Variants in CLSTN2 observed in about 807,000 individuals in gnomAD.
CLSTN2 encodes calsyntenin-2.
In CLSTN2, 48 loss-of-function variants were observed where a neutral mutation model predicts 101.2. That is an observed-to-expected ratio of 0.47 (90% confidence interval 0.38 to 0.60). CLSTN2 has a LOEUF of 0.60. CLSTN2 is among the 20% of genes least tolerant of loss of function. CLSTN2 has a pLI of 0.00. For missense variants in CLSTN2, 1,160 were observed against 1,238.2 expected (o/e 0.94, Z 0.95); for synonymous variants, 481 against 463.6 (o/e 1.04, Z -0.48).
At chr3:140,108,890 G>A (rs549563243) in intron 1 of CLSTN2, among the ~76,000 whole-genome samples, 3 of 152,184 alleles carry the variant, frequency 2.0e-5, no homozygotes, top group African/African-American at 7.2e-5. Flanking sequence ...CTAGGTACCC[G>A]GCACTGGGAG....
chr3:140,159,964 TCATGGA>T (rs1287129871), intron 1 of CLSTN2, among the ~76,000 whole-genome samples: 1 of 152,018 alleles, frequency 6.6e-6, no homozygotes, highest in African/African-American at 2.4e-5. Flanking sequence ...CATTGGGTAC[TCATGGA>T]CATAAAGACA....
intron 2 of CLSTN2, among the ~76,000 whole-genome samples, chr3:140,375,905 GC>G (rs1489791768): frequency 2.0e-5 from 3 of 152,220 alleles, no homozygotes; most frequent in Non-Finnish European, 4.4e-5. Context: ...CATCTTGGAT[GC>G]CCAGAAACAG....
intron 2 of CLSTN2, among the ~76,000 whole-genome samples, chr3:140,296,698 A>G (rs1576504005): frequency 1.3e-5 from 2 of 152,334 alleles, no homozygotes; most frequent in Admixed American, 6.5e-5. Context: ...AGTTTTCTCT[A>G]TAGAGGTTTT....
At chr3:140,287,288 C>T (rs774109581) in intron 2 of CLSTN2, among the ~76,000 whole-genome samples, 1 of 152,106 alleles carries the variant, frequency 6.6e-6, no homozygotes, top group Non-Finnish European at 1.5e-5. Flanking sequence ...AAGTGCACAT[C>T]GCATATGATT....
intron 1 of CLSTN2, among the ~76,000 whole-genome samples, chr3:140,107,259 G>T (rs1248144271): frequency 6.6e-6 from 1 of 151,958 alleles, no homozygotes; most frequent in African/African-American, 2.4e-5. Flanking sequence ...TGTCCTTTGC[G>T]GTCTTTAATC....
intron 2 of CLSTN2, among the ~76,000 whole-genome samples, chr3:140,341,793 C>T (rs189109199): frequency 3.5e-4 from 54 of 152,276 alleles, no homozygotes; most frequent in Admixed American, 1.4e-3. Context: ...ATGTCCTGGC[C>T]ACATGCAGCA....
rs560834796 is a variant in CLSTN2, at chr3:140,241,088, C to T, written c.232+65015C>T. ...CGTGACTTGTAGTTATGGTTCTATG[C>T]TTTCTGTTCTTAATATTTTTAGAAA... is the stretch of plus-strand genomic sequence containing the variant. On this transcript the variant is annotated intron_variant, in intron 2 of 16. Transcript: ENST00000458420. Among the ~76,000 whole-genome samples the T allele has an allele frequency of 5.9e-5, 9 of 152,244 alleles. No individual in the cohort carries two copies. In the East Asian group the frequency reaches 1.7e-3, roughly 29 times the overall value.
intron 1 of CLSTN2, among the ~76,000 whole-genome samples, chr3:140,173,582 A>C (rs1164624809): frequency 6.6e-6 from 1 of 152,200 alleles, no homozygotes; most frequent in Non-Finnish European, 1.5e-5. Context: ...GCACTGCCCT[A>C]GCAGAGGTTC....
intron 2 of CLSTN2, among the ~76,000 whole-genome samples, chr3:140,227,148 A>G (rs748333151): frequency 1.3e-5 from 2 of 152,214 alleles, no homozygotes; most frequent in African/African-American, 4.8e-5. Context: ...GTCTCATTCA[A>G]GGCAAGGCAA....
At chr3:140,147,261 G>A (rs948165683) in intron 1 of CLSTN2, among the ~76,000 whole-genome samples, 3 of 152,224 alleles carry the variant, frequency 2.0e-5, no homozygotes, top group African/African-American at 7.2e-5. Context: ...AAGAACCCCT[G>A]AGGTTGAGGC....
chr3:140,444,391 T>C (rs1012372228), intron 5 of CLSTN2, among the ~76,000 whole-genome samples: 33 of 151,564 alleles, frequency 2.2e-4, no homozygotes, highest in African/African-American at 7.8e-4. Context: ...GATTGTGCCA[T>C]TGCACTCCAG....
At position 140,403,682 on chromosome 3, in the gene CLSTN2, G is replaced by A. The variant is rs774326567; in HGVS notation, c.286G>A (p.Val96Met). Residue 96 changes from valine to methionine, a missense_variant, in exon 3 of 17, where the codon GTG (valine) becomes ATG (methionine). By Grantham distance (21) the Val-to-Met change is conservative (BLOSUM62 1). Coordinates refer to ENST00000458420, the MANE Select transcript of CLSTN2 (RefSeq NM_022131.3). The part of the protein sequence containing the change: ...HGQELPFEAV[V>M]LNKTSGEGRL... ...CCAGGAGCTGCCCTTTGAGGCTGTG[G>A]TGCTCAACAAGACATCAGGAGAGGG... The A allele has an allele frequency of 2.5e-6, 4 of 1,614,198 alleles. No homozygotes were observed. The highest frequency in any genetic ancestry group is 2.5e-6 in the Non-Finnish European group (3 of 1,180,016).
At chr3:140,373,044 G>C (rs1308377119) in intron 2 of CLSTN2, among the ~76,000 whole-genome samples, 1 of 152,146 alleles carries the variant, frequency 6.6e-6, no homozygotes, top group Non-Finnish European at 1.5e-5. Flanking sequence ...CACCATCCTG[G>C]GGGACAGATT....
At chr3:140,034,658 C>A (rs1003818457) in intron 1 of CLSTN2, among the ~76,000 whole-genome samples, 1 of 152,202 alleles carries the variant, frequency 6.6e-6, no homozygotes, top group African/African-American at 2.4e-5. Flanking sequence ...CTCCAAAGCT[C>A]TGGGAGAGTG....
At chr3:140,554,680 G>A (rs1167271891) in intron 10 of CLSTN2, among the ~76,000 whole-genome samples, 1 of 152,186 alleles carries the variant, frequency 6.6e-6, no homozygotes, top group Non-Finnish European at 1.5e-5. Flanking sequence ...CTACAGATGT[G>A]TTTGCACAAG....
intron 2 of CLSTN2, among the ~76,000 whole-genome samples, chr3:140,397,598 A>T (rs565641375): frequency 3.9e-5 from 6 of 152,300 alleles, no homozygotes; most frequent in African/African-American, 1.2e-4. Context: ...ATTTTCTCAT[A>T]GATAGCACCT....
At position 140,171,830 on chromosome 3, in the gene CLSTN2, TAACA is replaced by T. The variant is rs72188620; in HGVS notation, c.110-4119_110-4116del. Among the ~76,000 whole-genome samples, 26 of 110,866 alleles carry T rather than the reference TAACA, an allele frequency of 2.3e-4. 1 individual carries two copies. Among genetic ancestry groups the T allele is most frequent in the African/African-American group, 4.9e-4 (14 of 28,716 alleles). 72.7% of individuals were successfully genotyped at this position (110,866 alleles called of 152,430 possible). A position where few individuals can be genotyped will look rare whatever the true frequency, so the allele number is the denominator to read the frequency against. On this transcript the variant is annotated intron_variant, in intron 1 of 16. Transcript: ENST00000458420. ...ATTATATATTATATATTATATATAA[TAACA>T]ATATATAATATAATATATATATTAT... is the stretch of plus-strand genomic sequence containing the variant.
intron 2 of CLSTN2, among the ~76,000 whole-genome samples, chr3:140,384,030 C>T (rs2088023604): frequency 6.6e-6 from 1 of 152,226 alleles, no homozygotes; most frequent in African/African-American, 2.4e-5. Context: ...CCTAGGTAAT[C>T]TACAGCTCTT....
At chr3:140,333,909 G>A (rs62268008) in intron 2 of CLSTN2, among the ~76,000 whole-genome samples, 18 of 152,154 alleles carry the variant, frequency 1.2e-4, no homozygotes, top group African/African-American at 4.3e-4. Context: ...TTTATGAGCA[G>A]ATCAGATAAG....
Sources: gnomAD v4.1 joint callset for allele counts (sites outside exome capture counted in the v4.1 genomes callset) on GRCh38, gnomAD v4.1.1 for gene constraint, MANE v1.5 for transcripts, NCBI Gene and HGNC (gene_info 2026-07-23, HGNC 2026-07-21) for gene names.